MYLK: variants seen among roughly 807,000 people sequenced by gnomAD.
The protein encoded by MYLK is myosin light chain kinase, smooth muscle.
In MYLK, 106 loss-of-function variants were observed where a neutral mutation model predicts 203.4. The observed-to-expected ratio is 0.52, with a 90% CI of 0.45 to 0.61. The LOEUF (loss-of-function observed/expected upper bound fraction) is 0.61, where lower values mean the gene tolerates loss of function less well. Ranked by LOEUF, MYLK falls within the 20% of genes least tolerant of loss-of-function variation. MYLK has a pLI of 0.00. For synonymous variants in MYLK, 867 were observed against 959.5 expected, an observed-to-expected ratio of 0.90 and a Z score of 1.78; for missense variants, 2,072 against 2,442.3, an observed-to-expected ratio of 0.85 and a Z score of 3.20.
At chr3:123,828,439 T>C (rs2066210188) in intron 3 of MYLK, among the ~76,000 whole-genome samples, 1 of 152,152 alleles carries the variant, frequency 6.6e-6, no homozygotes, top group Admixed American at 6.6e-5. Context: ...CCGCTCATCC[T>C]ATACAAAAAT....
intron 4 of MYLK, among the ~76,000 whole-genome samples, chr3:123,784,880 T>C (rs992486592): frequency 2.0e-5 from 3 of 152,198 alleles, no homozygotes; most frequent in African/African-American, 2.4e-5. Context: ...AGGCTTCACA[T>C]AGAGGACTTG....
At chr3:123,812,673 T>A (rs1043248146) in intron 3 of MYLK, among the ~76,000 whole-genome samples, 1 of 152,226 alleles carries the variant, frequency 6.6e-6, no homozygotes, top group Non-Finnish European at 1.5e-5. Flanking sequence ...AAGACCTAGA[T>A]GTCTCTTTAC....
At chr3:123,830,711 C>T (rs758788583) in intron 3 of MYLK, among the ~76,000 whole-genome samples, 1 of 152,104 alleles carries the variant, frequency 6.6e-6, no homozygotes. Context: ...TCACCCCAGG[C>T]TGATGTTAGC....
At chr3:123,688,010 A>G (rs2060523488) in intron 19 of MYLK, among the ~76,000 whole-genome samples, 1 of 151,894 alleles carries the variant, frequency 6.6e-6, no homozygotes, top group Admixed American at 6.6e-5. Context: ...AGTTCTTAGC[A>G]TTTGGTTTCT....
chr3:123,882,642 C>CA (rs1387731549), intron 1 of MYLK, among the ~76,000 whole-genome samples: 12 of 151,974 alleles, frequency 7.9e-5, no homozygotes, highest in Middle Eastern at 3.2e-3. Context: ...CACATCTTGG[C>CA]AAAAAAAGCT....
intron 4 of MYLK, among the ~76,000 whole-genome samples, chr3:123,765,797 A>T (rs2063683833): frequency 6.6e-6 from 1 of 152,248 alleles, no homozygotes; most frequent in African/African-American, 2.4e-5. Context: ...CCTTGAAGAC[A>T]TTATGCTAAG....
chr3:123,693,417 G>C, intron 18 of MYLK: 1 of 107,828 alleles, frequency 9.3e-6, no homozygotes, highest in Non-Finnish European at 1.9e-5. Flanking sequence ...GATCTGTTGG[G>C]AGGTGGTGAC....
chr3:123,785,513 G>C (rs1275479376), intron 4 of MYLK, among the ~76,000 whole-genome samples: 1 of 152,188 alleles, frequency 6.6e-6, no homozygotes, highest in East Asian at 1.9e-4. Context: ...GAAGATGAAG[G>C]ACAAAGATTC....
chr3:123,646,553 G>A (rs1278064252), intron 27 of MYLK, among the ~76,000 whole-genome samples: 1 of 152,212 alleles, frequency 6.6e-6, no homozygotes, highest in African/African-American at 2.4e-5. Flanking sequence ...GTGTGTACAC[G>A]CATGCACCAA....
intron 30 of MYLK, among the ~76,000 whole-genome samples, chr3:123,627,465 C>T (rs899427292): frequency 6.6e-6 from 1 of 152,222 alleles, no homozygotes; most frequent in African/African-American, 2.4e-5. Flanking sequence ...GTAGGTCCTG[C>T]CTATAACCTA....
chr3:123,662,677 C>T (rs2059602575), intron 23 of MYLK, among the ~76,000 whole-genome samples: 1 of 152,200 alleles, frequency 6.6e-6, no homozygotes, highest in South Asian at 2.1e-4. Context: ...CACACAAGCC[C>T]TGTTACCAAC....
chr3:123,814,339 C>G (rs1467431047), intron 3 of MYLK: 1 of 157,652 alleles, frequency 6.3e-6, no homozygotes, highest in Non-Finnish European at 1.4e-5. Context: ...TGGACATGTT[C>G]TCATAGCTGT....
At chr3:123,712,435 T>C (rs984531150) in intron 13 of MYLK, among the ~76,000 whole-genome samples, 4 of 152,228 alleles carry the variant, frequency 2.6e-5, no homozygotes, top group Admixed American at 2.0e-4. Context: ...CTCAAATTCC[T>C]AGATGCTACG....
At chr3:123,652,686 A>G (rs1428036229) in intron 24 of MYLK, among the ~76,000 whole-genome samples, 2 of 152,184 alleles carry the variant, frequency 1.3e-5, no homozygotes, top group Non-Finnish European at 2.9e-5. Flanking sequence ...CTGTTTTGCT[A>G]ACAATTATAC....
chr3:123,720,146 C>T (rs1422508595), intron 13 of MYLK, among the ~76,000 whole-genome samples: 3 of 152,192 alleles, frequency 2.0e-5, no homozygotes, highest in African/African-American at 7.2e-5. Context: ...GCCTCTTCTC[C>T]GAGCAAATCC....
At chr3:123,717,385 T>A (rs1461451979) in intron 13 of MYLK, among the ~76,000 whole-genome samples, 1 of 152,264 alleles carries the variant, frequency 6.6e-6, no homozygotes, top group African/African-American at 2.4e-5. Flanking sequence ...CTAATAAATA[T>A]GCTTGTTATA....
At chr3:123,748,855 G>A (rs1016177611) in intron 5 of MYLK, among the ~76,000 whole-genome samples, 1 of 152,106 alleles carries the variant, frequency 6.6e-6, no homozygotes, top group South Asian at 2.1e-4. Context: ...CGGATCACAA[G>A]GTCAGGAGTT....
intron 11 of MYLK, among the ~76,000 whole-genome samples, chr3:123,730,846 C>T (rs2062450484): frequency 6.6e-6 from 1 of 152,124 alleles, no homozygotes; most frequent in Non-Finnish European, 1.5e-5. Flanking sequence ...GATGGCCACA[C>T]AACTCTGTGA....
intron 4 of MYLK, among the ~76,000 whole-genome samples, chr3:123,766,466 G>C (rs1349182886): frequency 6.6e-6 from 1 of 152,262 alleles, no homozygotes; most frequent in Non-Finnish European, 1.5e-5. Context: ...GTTGCTGTGA[G>C]TTGAGCAAGA....
Sources: gnomAD v4.1 joint callset for allele counts (sites outside exome capture counted in the v4.1 genomes callset) on GRCh38, gnomAD v4.1.1 for gene constraint, MANE v1.5 for transcripts, NCBI Gene and HGNC (gene_info 2026-07-23, HGNC 2026-07-21) for gene names.